The following OR7E24 variants were observed in gnomAD, a reference collection of about 807,000 sequenced individuals.
The protein encoded by OR7E24 is olfactory receptor 7E24.
For synonymous variants in OR7E24, 130 were observed against 157.5 expected, an observed-to-expected ratio of 0.83 and a Z score of 1.31; for missense variants, 385 against 410.3, an observed-to-expected ratio of 0.94 and a Z score of 0.53.
chr19:9,223,841 G>A, the OR7E24 span, among the ~76,000 whole-genome samples: 4 of 151,254 alleles, frequency 2.6e-5, no homozygotes, highest in African/African-American at 9.7e-5. Context: ...ATGCCATTGG[G>A]ATCTGCTGGA....
At chr19:9,236,519 A>G in the OR7E24 span, among the ~76,000 whole-genome samples, 9 of 151,708 alleles carry the variant, frequency 5.9e-5, no homozygotes, top group African/African-American at 2.2e-4. Context: ...GAAAAAAAAG[A>G]AAAAAAAGGT....
chr19:9,218,450 C>T, the OR7E24 span, among the ~76,000 whole-genome samples: 1 of 152,074 alleles, frequency 6.6e-6, no homozygotes, highest in Admixed American at 6.6e-5. Flanking sequence ...TCAACCAGGG[C>T]AGATCCTCTC....
the OR7E24 span, chr19:9,213,841 CACA>C: frequency 1.9e-5 from 23 of 1,235,620 alleles, no homozygotes; most frequent in Admixed American, 3.5e-4. Context: ...TATTTAAACC[CACA>C]ACATTTGCCT....
Position 9,251,694 on chromosome 19 carries a change from A to T in OR7E24, c.651A>T (p.Ile217=). 1 of 1,613,688 alleles carries T rather than the reference A, an allele frequency of 6.2e-7. No homozygotes were observed. The highest frequency in any genetic ancestry group is 1.1e-5 in the South Asian group (1 of 91,060). The stretch of plus-strand genomic sequence containing the variant: ...ACACCTTCATCAATGAAATGGTCAT[A>T]TATTTCATGGGTGCCATATTTGGCT... ...CSDTFINEMV[I]YFMGAIFGCL... The change falls in exon 1 of 1, where the codon ATA becomes ATT. Residue 217 remains isoleucine (I), a synonymous_variant. Coordinates refer to ENST00000456448, the MANE Select transcript of OR7E24 (RefSeq NM_001079935.2).
Position 9,250,999 on chromosome 19 carries a change from G to A in OR7E24, c.-45G>A. On this transcript the variant is annotated 5_prime_UTR_variant, in exon 1 of 1. Coordinates refer to ENST00000456448, the MANE Select transcript of OR7E24 (RefSeq NM_001079935.2). ...TATGTGAAAACTTAATTTCTTAATT[G>A]CTTGTATCCAAAATATAGACACAGT... 7.2e-7 allele frequency: 1 copy of A among 1,389,832 alleles called. No individual in the cohort carries two copies. Among genetic ancestry groups the A allele is most frequent in the South Asian group, 1.5e-5 (1 of 67,852 alleles). 86.1% of individuals were successfully genotyped at this position (1,389,832 alleles called of 1,614,324 possible).
the OR7E24 span, among the ~76,000 whole-genome samples, chr19:9,223,425 C>T: frequency 1.3e-5 from 2 of 152,176 alleles, no homozygotes; most frequent in African/African-American, 4.8e-5. Context: ...ATGTGACATA[C>T]AACACAAATA....
At chr19:9,231,905 G>A in the OR7E24 span, among the ~76,000 whole-genome samples, 1 of 152,054 alleles carries the variant, frequency 6.6e-6, no homozygotes, top group Non-Finnish European at 1.5e-5. Flanking sequence ...TTTGTGTTAT[G>A]GATGTCAGTT....
the OR7E24 span, chr19:9,214,243 A>G: frequency 1.2e-6 from 2 of 1,614,176 alleles, no homozygotes; most frequent in Non-Finnish European, 1.7e-6. Flanking sequence ...GCCACATACA[A>G]GACAATGTTA....
At chr19:9,224,103 G>T in the OR7E24 span, among the ~76,000 whole-genome samples, 2 of 152,044 alleles carry the variant, frequency 1.3e-5, no homozygotes, top group South Asian at 2.1e-4. Context: ...ACCTGCCTCA[G>T]CCTCCCAAAG....
At chr19:9,216,966 C>T in the OR7E24 span, among the ~76,000 whole-genome samples, 2 of 152,314 alleles carry the variant, frequency 1.3e-5, no homozygotes, top group East Asian at 1.9e-4. Context: ...ATCCCCCTTA[C>T]ATGGGGCAGC....
At chr19:9,214,408 G>A in the OR7E24 span, 1 of 1,614,184 alleles carries the variant, frequency 6.2e-7, no homozygotes, top group Middle Eastern at 1.6e-4. Context: ...GCCAGAACCA[G>A]GAGGCCACAG....
chr19:9,229,641 A>T, the OR7E24 span, among the ~76,000 whole-genome samples: 1 of 152,226 alleles, frequency 6.6e-6, no homozygotes, highest in East Asian at 1.9e-4. Context: ...CTTGGAGAAA[A>T]TAAATTCATC....
the OR7E24 span, chr19:9,206,917 T>C: frequency 5.9e-5 from 9 of 152,320 alleles, no homozygotes; most frequent in African/African-American, 2.2e-4. Flanking sequence ...TGGGCTCTCT[T>C]ACCCAGAGAT....
the OR7E24 span, among the ~76,000 whole-genome samples, chr19:9,233,425 C>T: frequency 6.6e-6 from 1 of 152,102 alleles, no homozygotes; most frequent in Admixed American, 6.5e-5. Flanking sequence ...CACTGCAACC[C>T]CACTGGAAAG....
chr19:9,234,510 A>G, the OR7E24 span, among the ~76,000 whole-genome samples: 4 of 152,262 alleles, frequency 2.6e-5, no homozygotes, highest in Non-Finnish European at 5.9e-5. Flanking sequence ...GATCAAGAGC[A>G]AAGTAGCATT....
the OR7E24 span, among the ~76,000 whole-genome samples, chr19:9,228,554 A>G: frequency 4.6e-5 from 7 of 152,276 alleles, no homozygotes; most frequent in African/African-American, 1.7e-4. Flanking sequence ...CATATGGGCT[A>G]TTACTGTCCT....
chr19:9,212,802 G>C, the OR7E24 span: 9 of 152,178 alleles, frequency 5.9e-5, no homozygotes, highest in African/African-American at 2.2e-4. Flanking sequence ...ACCCAGGCTG[G>C]ATTGCAGTGC....
At chr19:9,245,152 T>A (rs2066125699), upstream of OR7E24, among the ~76,000 whole-genome samples, 1 of 152,070 alleles carries the variant, frequency 6.6e-6, no homozygotes, top group Non-Finnish European at 1.5e-5. Flanking sequence ...GTGGTGAAGT[T>A]TGCAGTGAGC....
the OR7E24 span, chr19:9,214,950 C>A: frequency 3.1e-6 from 2 of 640,198 alleles, no homozygotes; most frequent in Non-Finnish European, 5.5e-6. Context: ...CATTTGTCAC[C>A]CTTCCTGGAG....
Sources: gnomAD v4.1 joint callset for allele counts (sites outside exome capture counted in the v4.1 genomes callset) on GRCh38, gnomAD v4.1.1 for gene constraint, MANE v1.5 for transcripts, NCBI Gene and HGNC (gene_info 2026-07-23, HGNC 2026-07-21) for gene names.